The following DGKB variants were observed in gnomAD, a reference collection of about 807,000 sequenced individuals.
DGKB encodes the protein diacylglycerol kinase beta, also known as 90 kDa diacylglycerol kinase.
In DGKB, 67 loss-of-function variants were observed where a neutral mutation model predicts 114.3. The ratio of observed to expected loss-of-function variants is 0.59; its 90% confidence interval spans 0.48 to 0.72. The LOEUF is 0.72. Ranked by LOEUF, DGKB falls within the 30% of genes least tolerant of loss-of-function variation. DGKB has a pLI of 0.00. For synonymous variants in DGKB, 398 were observed against 323.1 expected (o/e 1.23, Z -2.49); for missense variants, 907 against 975.2 (o/e 0.93, Z 0.93).
chr7:14,550,024 A>G (rs111230742), intron 20 of DGKB, among the ~76,000 whole-genome samples: 1 of 152,040 alleles, frequency 6.6e-6, no homozygotes, highest in Non-Finnish European at 1.5e-5. Flanking sequence ...TAGTTGCTTA[A>G]TGAACAAGCA....
intron 1 of DGKB, among the ~76,000 whole-genome samples, chr7:14,877,432 G>A (rs969343045): frequency 4.6e-5 from 7 of 152,272 alleles, no homozygotes. Context: ...GCACATGCCT[G>A]TAATCCCAGC....
chr7:14,159,766 G>A (rs1172566511), intron 25 of DGKB, among the ~76,000 whole-genome samples: 1 of 152,130 alleles, frequency 6.6e-6, no homozygotes, highest in African/African-American at 2.4e-5. Flanking sequence ...CCCGTCTCCT[G>A]GGTTCAAGTG....
intron 9 of DGKB, among the ~76,000 whole-genome samples, chr7:14,691,433 C>T (rs1351132537): frequency 6.6e-6 from 1 of 152,148 alleles, no homozygotes; most frequent in Non-Finnish European, 1.5e-5. Flanking sequence ...GGGATAGATT[C>T]ATGGATCAAA....
intron 20 of DGKB, among the ~76,000 whole-genome samples, chr7:14,500,631 C>T (rs539457908): frequency 1.3e-5 from 2 of 151,536 alleles, no homozygotes; most frequent in Admixed American, 1.3e-4. Flanking sequence ...TAAATAATAC[C>T]TACAGGTATT....
At chr7:14,805,753 G>T (rs746293614) in intron 2 of DGKB, among the ~76,000 whole-genome samples, 18 of 151,422 alleles carry the variant, frequency 1.2e-4, no homozygotes, top group Non-Finnish European at 2.5e-4. Flanking sequence ...TTCTATCTTG[G>T]CAAGAATCCC....
At chr7:14,376,181 G>A (rs1349079658) in intron 21 of DGKB, among the ~76,000 whole-genome samples, 2 of 152,180 alleles carry the variant, frequency 1.3e-5, no homozygotes, top group Non-Finnish European at 2.9e-5. Context: ...TTGGTGGCCT[G>A]TCAGCCAGGG....
chr7:14,672,399 T>C (rs1026366662), intron 13 of DGKB, among the ~76,000 whole-genome samples: 34 of 152,162 alleles, frequency 2.2e-4, no homozygotes, highest in African/African-American at 8.0e-4. Context: ...TTCATTTCTA[T>C]ACTTATTGAA....
chr7:14,562,177 G>A (rs1796755581), intron 20 of DGKB, among the ~76,000 whole-genome samples: 1 of 152,332 alleles, frequency 6.6e-6, no homozygotes, highest in East Asian at 1.9e-4. Flanking sequence ...ACATGGTGTT[G>A]AGCCTGCAGG....
chr7:14,455,066 A>T (rs1282182095), intron 21 of DGKB, among the ~76,000 whole-genome samples: 1 of 152,070 alleles, frequency 6.6e-6, no homozygotes, highest in Non-Finnish European at 1.5e-5. Context: ...GGAACCCAAT[A>T]TCACGTTTGA....
intron 1 of DGKB, among the ~76,000 whole-genome samples, chr7:14,967,652 TAAAAAAAAAA>T (rs35965873): frequency 9.9e-6 from 1 of 101,044 alleles, no homozygotes; most frequent in South Asian, 3.5e-4. Flanking sequence ...TGTGATTTAT[TAAAAAAAAAA>T]AAAAAAAAAA....
intron 6 of DGKB, 29 bp downstream of exon 6, chr7:14,718,513 A>G: frequency 1.3e-6 from 2 of 1,591,376 alleles, no homozygotes; most frequent in South Asian, 1.2e-5. Context: ...CCCAATCACG[A>G]TAAGTAAACA....
chr7:14,696,061 T>C (rs191950457), intron 8 of DGKB, among the ~76,000 whole-genome samples: 1 of 152,286 alleles, frequency 6.6e-6, no homozygotes, highest in East Asian at 1.9e-4. Context: ...AGGTATTTGT[T>C]GTAGAAAGAC....
intron 2 of DGKB, among the ~76,000 whole-genome samples, chr7:14,793,719 T>C (rs1180443392): frequency 6.6e-6 from 1 of 152,116 alleles, no homozygotes; most frequent in Non-Finnish European, 1.5e-5. Flanking sequence ...AATTATCCTA[T>C]TACATCTGTG....
chr7:14,155,873 T>C (rs1782940985), intron 25 of DGKB, among the ~76,000 whole-genome samples: 2 of 152,078 alleles, frequency 1.3e-5, no homozygotes, highest in Non-Finnish European at 2.9e-5. Context: ...ATGCTCAGTA[T>C]CTTTTGGGTC....
intron 15 of DGKB, 100 bp from the exon 16 acceptor site, chr7:14,613,513 CA>C: frequency 2.9e-6 from 2 of 678,078 alleles, no homozygotes; most frequent in South Asian, 3.7e-5. Context: ...TACGCAATTT[CA>C]ATAATATTAC....
chr7:14,826,379 TACC>T lies in DGKB; in HGVS notation c.70+14812_70+14814del, dbSNP rs1845709926. On this transcript the variant is annotated intron_variant, in intron 2 of 25. Transcript: ENST00000402815. ...TCTTGGACCAGTTGATTCCAGGAAT[TACC>T]ATACTTTATATTTTGTCTTAGTCAT... Among the ~76,000 whole-genome samples, 9 of 152,146 alleles carry T rather than the reference TACC, an allele frequency of 5.9e-5. 1 individual carries two copies. In the South Asian group the frequency reaches 1.9e-3, roughly 32 times the overall value.
chr7:14,214,275 C>A (rs1385247772), intron 23 of DGKB, among the ~76,000 whole-genome samples: 1 of 152,088 alleles, frequency 6.6e-6, no homozygotes, highest in Non-Finnish European at 1.5e-5. Context: ...ACACTCTTGT[C>A]TTCATTTTCA....
chr7:14,307,922 A>C (rs748076483), intron 23 of DGKB, among the ~76,000 whole-genome samples: 62 of 152,246 alleles, frequency 4.1e-4, no homozygotes, highest in Admixed American at 1.2e-3. Flanking sequence ...GAATTTATCT[A>C]AAGATCTTAC....
At chr7:14,564,673 TG>T (rs1273076124) in intron 20 of DGKB, among the ~76,000 whole-genome samples, 1 of 152,200 alleles carries the variant, frequency 6.6e-6, no homozygotes, top group African/African-American at 2.4e-5. Flanking sequence ...GCATCTTCAC[TG>T]GCCCAATTTC....
Sources: gnomAD v4.1 joint callset for allele counts (sites outside exome capture counted in the v4.1 genomes callset) on GRCh38, gnomAD v4.1.1 for gene constraint, MANE v1.5 for transcripts, NCBI Gene and HGNC (gene_info 2026-07-23, HGNC 2026-07-21) for gene names.